The following TCF4 variants were observed in gnomAD, a reference collection of about 807,000 sequenced individuals.
The protein encoded by TCF4 is transcription factor 4.
In TCF4, 3 loss-of-function variants were observed where a neutral mutation model predicts 82.1. That is an observed-to-expected ratio of 0.04 (90% CI 0.02 to 0.09). The LOEUF is 0.09. Among genes scored for constraint, TCF4 ranks in the 10% least tolerant of loss-of-function variants. TCF4 has a pLI of 1.00. For missense variants in TCF4, 518 were observed against 852.7 expected, an observed-to-expected ratio of 0.61 and a Z score of 4.89; for synonymous variants, 276 against 309.6, an observed-to-expected ratio of 0.89 and a Z score of 1.14.
chr18:55,234,064 C>T (rs2048661766), intron 16 of TCF4, among the ~76,000 whole-genome samples: 4 of 152,084 alleles, frequency 2.6e-5, no homozygotes, highest in Admixed American at 1.3e-4. Context: ...AAAAGCCGCT[C>T]GTAATCACCG....
rs2093788494 is a variant in TCF4, at chr18:55,401,087, G to T, written c.369+2367C>A. ...TACTGAGATTTTGCCTTTCTCTTTG[G>T]TTTGCATAGCTGATGTTGTAGACAG... On this transcript the variant is annotated intron_variant, in intron 6 of 19. Transcript: ENST00000354452. The T allele has an allele frequency of 3.1e-6, 4 of 1,288,892 alleles. No individual in the cohort carries two copies. The South Asian group carries it at 4.9e-5, about 16-fold the overall frequency. 79.8% of individuals were successfully genotyped at this position (1,288,892 alleles called of 1,614,324 possible). A position where few individuals can be genotyped will look rare whatever the true frequency, so the allele number is the denominator to read the frequency against.
intron 5 of TCF4, 35 bp from the exon 6 acceptor site, chr18:55,403,553 GT>G: frequency 1.2e-6 from 2 of 1,613,566 alleles, no homozygotes; most frequent in South Asian, 2.2e-5. Context: ...TGTAAATTGT[GT>G]TTTTCCTTAA....
intron 6 of TCF4, among the ~76,000 whole-genome samples, chr18:55,374,829 C>T (rs1390454575): frequency 7.1e-6 from 1 of 141,038 alleles, no homozygotes; most frequent in Non-Finnish European, 1.5e-5. Flanking sequence ...GATCACACCA[C>T]TGCACTCCAT....
upstream of TCF4, chr18:55,588,728 A>G (rs1393915823): frequency 1.6e-6 from 2 of 1,280,178 alleles, no homozygotes; most frequent in Non-Finnish European, 2.0e-6. Flanking sequence ...ATCAAGCCAC[A>G]TTTTCCTGGG....
At chr18:55,257,522 G>A in intron 13 of TCF4, 131 bp from the exon 14 acceptor site, 1 of 845,290 alleles carries the variant, frequency 1.2e-6, no homozygotes, top group Non-Finnish European at 2.0e-6. Flanking sequence ...GTAAATACAT[G>A]TAAACTTCCC....
chr18:55,587,897 A>G (rs936833704), intron 1 of TCF4, 141 bp downstream of exon 1: 1 of 665,080 alleles, frequency 1.5e-6, no homozygotes, highest in Non-Finnish European at 1.8e-6. Flanking sequence ...GCGGGAGGGG[A>G]AGGGGTGTCT....
chr18:55,383,641 C>T (rs1603429506), intron 6 of TCF4, among the ~76,000 whole-genome samples: 1 of 152,314 alleles, frequency 6.6e-6, no homozygotes, highest in East Asian at 1.9e-4. Flanking sequence ...ACCTTGATAT[C>T]TCTGGCTTAC....
intron 8 of TCF4, among the ~76,000 whole-genome samples, chr18:55,311,119 A>C (rs2072250703): frequency 6.6e-6 from 1 of 152,200 alleles, no homozygotes; most frequent in Non-Finnish European, 1.5e-5. Flanking sequence ...GCCAAAACAA[A>C]CAAACAAAAA....
chr18:55,559,639 T>TAAAA (rs34935191), intron 3 of TCF4, among the ~76,000 whole-genome samples: 1 of 148,660 alleles, frequency 6.7e-6, no homozygotes. Context: ...GTTTTTTCTT[T>TAAAA]AAAAAAAAAA....
intron 17 of TCF4, chr18:55,230,402 C>A (rs540768272): frequency 6.6e-6 from 1 of 152,266 alleles, no homozygotes; most frequent in Non-Finnish European, 1.5e-5. Context: ...CAAGGGCTGT[C>A]ATGTAAAAAA....
rs967775970 is a variant in TCF4, at chr18:55,337,762, T to C, written c.549+12597A>G. Among the ~76,000 whole-genome samples the C allele has an allele frequency of 5.9e-5, 9 of 152,180 alleles. No individual in the cohort carries two copies. The South Asian group carries it at 8.3e-4, about 14-fold the overall frequency. Reference sequence around the variant, plus strand: ...CACTATATATTATTCTTTGGTATTATTGCCTTATGCCAGAACCTGATTCCC... The same window carrying C: ...CACTATATATTATTCTTTGGTATTACTGCCTTATGCCAGAACCTGATTCCC... On this transcript the variant is annotated intron_variant, in intron 8 of 19. Transcript: ENST00000354452.
chr18:55,411,200 G>A (rs1238778569), intron 5 of TCF4, among the ~76,000 whole-genome samples: 1 of 152,250 alleles, frequency 6.6e-6, no homozygotes, highest in African/African-American at 2.4e-5. Context: ...TTCTGAATCA[G>A]CAATTTGTAC....
At chr18:55,577,181 TAA>T (rs1491354564) in intron 3 of TCF4, among the ~76,000 whole-genome samples, 1,265 of 118,800 alleles carry the variant, frequency 0.011, 84 homozygotes, top group African/African-American at 0.032. Flanking sequence ...TATATATTTA[TAA>T]ATGTATATAT....
intron 8 of TCF4, 144 bp from the exon 9 acceptor site, chr18:55,279,800 T>G (rs2062179996): frequency 1.5e-6 from 2 of 1,306,510 alleles, no homozygotes; most frequent in African/African-American, 1.5e-5. Flanking sequence ...AACAGTGCCC[T>G]TTCCGAACAC....
At chr18:55,258,850 T>C (rs2057438951) in intron 13 of TCF4, among the ~76,000 whole-genome samples, 1 of 152,260 alleles carries the variant, frequency 6.6e-6, no homozygotes, top group East Asian at 1.9e-4. Flanking sequence ...TACTGAACTC[T>C]AGTTTCTATT....
At chr18:55,338,382 C>T (rs936408726) in intron 8 of TCF4, among the ~76,000 whole-genome samples, 1 of 152,212 alleles carries the variant, frequency 6.6e-6, no homozygotes, top group Non-Finnish European at 1.5e-5. Context: ...CGGAGAGGCA[C>T]TATCCGCAGG....
chr18:55,245,644 T>C (rs1314501729), intron 15 of TCF4, among the ~76,000 whole-genome samples: 1 of 152,180 alleles, frequency 6.6e-6, no homozygotes, highest in Non-Finnish European at 1.5e-5. Context: ...GAGCCTTTAT[T>C]TTCTGTTTTT....
intron 8 of TCF4, among the ~76,000 whole-genome samples, chr18:55,300,739 C>T (rs2067988535): frequency 1.3e-5 from 2 of 152,118 alleles, no homozygotes; most frequent in Admixed American, 1.3e-4. Context: ...TCCTCCCTCC[C>T]ACCTTCCAAT....
At chr18:55,597,050 G>GCT (rs1178667817) in intron 2 of TCF4, among the ~76,000 whole-genome samples, 1 of 151,728 alleles carries the variant, frequency 6.6e-6, no homozygotes, top group African/African-American at 2.4e-5. Context: ...CTTCCCCTTC[G>GCT]CTCTCTCTCT....
Sources: allele counts gnomAD v4.1 joint callset (sites outside exome capture counted in the v4.1 genomes callset), GRCh38; gene constraint gnomAD v4.1.1; transcripts MANE v1.5; gene names NCBI Gene and HGNC (gene_info 2026-07-23, HGNC 2026-07-21).